The following FSTL4 variants were observed in gnomAD, a reference collection of about 807,000 sequenced individuals.
FSTL4 encodes the protein follistatin like 4, also known as follistatin-related protein 4.
In FSTL4, 28 loss-of-function variants were observed where a neutral mutation model predicts 78.2. The ratio of observed to expected loss-of-function variants is 0.36; its 90% CI spans 0.27 to 0.49. FSTL4 has a LOEUF of 0.49. FSTL4 is among the 20% of genes least tolerant of loss of function. FSTL4 has a pLI of 0.98. For synonymous variants in FSTL4, 422 were observed against 440.5 expected, an observed-to-expected ratio of 0.96 and a Z score of 0.53; for missense variants, 922 against 1,084.9, an observed-to-expected ratio of 0.85 and a Z score of 2.11.
At chr5:133,431,875 T>C (rs1756946827) in intron 3 of FSTL4, among the ~76,000 whole-genome samples, 1 of 152,196 alleles carries the variant, frequency 6.6e-6, no homozygotes, top group Non-Finnish European at 1.5e-5. Context: ...TTGGGGTTTT[T>C]TTCATTAATA....
chr5:133,645,357 C>T, the FSTL4 span, among the ~76,000 whole-genome samples: 2 of 152,054 alleles, frequency 1.3e-5, no homozygotes, highest in Admixed American at 6.6e-5. Context: ...GCAAGTGCCT[C>T]GAGTGTGTGG....
At chr5:133,484,191 G>A (rs1012117299) in intron 3 of FSTL4, among the ~76,000 whole-genome samples, 11 of 152,296 alleles carry the variant, frequency 7.2e-5, no homozygotes, top group African/African-American at 2.4e-4. Flanking sequence ...TGAAGCAAAC[G>A]GAAGGCCCTG....
chr5:133,216,437 GGCCTCCCGTCAAGTGATTCTCCTGCCTCA>G (rs1390777126), intron 13 of FSTL4, among the ~76,000 whole-genome samples: 51 of 144,556 alleles, frequency 3.5e-4, no homozygotes, highest in Admixed American at 1.1e-3. Context: ...CTCCTGCCTC[GGCCTCCCGTCAAGTGATTCTCCTGCCTCA>G]GCCTCCTGAG....
chr5:133,574,183 A>C (rs1320836263), intron 2 of FSTL4, among the ~76,000 whole-genome samples: 2 of 152,262 alleles, frequency 1.3e-5, no homozygotes, highest in Non-Finnish European at 2.9e-5. Flanking sequence ...AATCAATAAG[A>C]AAAATACAAA....
chr5:133,451,160 A>G (rs545357839), intron 3 of FSTL4, among the ~76,000 whole-genome samples: 1 of 152,318 alleles, frequency 6.6e-6, no homozygotes, highest in South Asian at 2.1e-4. Context: ...TGATTTAGGC[A>G]GGCAGGGTCT....
At chr5:133,207,555 C>G (rs1247460759) in intron 14 of FSTL4, among the ~76,000 whole-genome samples, 1 of 152,234 alleles carries the variant, frequency 6.6e-6, no homozygotes, top group Non-Finnish European at 1.5e-5. Flanking sequence ...CAATTTCAAA[C>G]AACATTCTCT....
the FSTL4 span, among the ~76,000 whole-genome samples, chr5:133,674,605 GTGTGTC>G: frequency 6.7e-6 from 1 of 149,176 alleles, no homozygotes; most frequent in Non-Finnish European, 1.5e-5. Flanking sequence ...GTGTGTGTGT[GTGTGTC>G]TGTGTGTGTG....
chr5:133,811,962 C>A, the FSTL4 span, among the ~76,000 whole-genome samples: 2 of 152,190 alleles, frequency 1.3e-5, no homozygotes, highest in African/African-American at 4.8e-5. Context: ...CTCTTAATAA[C>A]CCTCTTAATT....
chr5:133,424,391 C>T (rs1031092505), intron 3 of FSTL4, among the ~76,000 whole-genome samples: 8 of 152,082 alleles, frequency 5.3e-5, no homozygotes, highest in African/African-American at 1.2e-4. Context: ...AGACACAACC[C>T]GAGGGGACTG....
intron 3 of FSTL4, among the ~76,000 whole-genome samples, chr5:133,514,128 G>A (rs1435817251): frequency 2.6e-5 from 4 of 151,046 alleles, no homozygotes; most frequent in African/African-American, 9.7e-5. Flanking sequence ...GCAATGAGCC[G>A]AGATCGAGCC....
At chr5:133,731,631 A>G in the FSTL4 span, among the ~76,000 whole-genome samples, 1 of 152,150 alleles carries the variant, frequency 6.6e-6, no homozygotes, top group Non-Finnish European at 1.5e-5. Context: ...AGGGAGTCAG[A>G]GGGTCACAGT....
intron 3 of FSTL4, among the ~76,000 whole-genome samples, chr5:133,425,224 A>G (rs139290662): frequency 1.4e-5 from 2 of 144,164 alleles, no homozygotes; most frequent in East Asian, 3.9e-4. Flanking sequence ...CTTCAAAGTG[A>G]CCTAAAAAAA....
chr5:133,675,117 C>T, the FSTL4 span, among the ~76,000 whole-genome samples: 1 of 151,866 alleles, frequency 6.6e-6, no homozygotes, highest in Non-Finnish European at 1.5e-5. Flanking sequence ...TCCACGGGGG[C>T]TCATGAAGGC....
intron 4 of FSTL4, among the ~76,000 whole-genome samples, chr5:133,391,259 G>A (rs985222606): frequency 2.6e-5 from 4 of 152,176 alleles, no homozygotes; most frequent in South Asian, 4.1e-4. Flanking sequence ...TTGAAGGCAC[G>A]ATAGGGGAGA....
intron 2 of FSTL4, among the ~76,000 whole-genome samples, chr5:133,568,756 T>C (rs540294662): frequency 6.6e-6 from 1 of 152,332 alleles, no homozygotes; most frequent in African/African-American, 2.4e-5. Flanking sequence ...CTCCAAGGCC[T>C]GGCACCTCTG....
chr5:133,450,174 A>G (rs1036509215), intron 3 of FSTL4, among the ~76,000 whole-genome samples: 1 of 152,244 alleles, frequency 6.6e-6, no homozygotes, highest in Non-Finnish European at 1.5e-5. Context: ...TGCCCAAGGA[A>G]AAAACAGCCC....
At chr5:133,303,295 G>A (rs752663778) in intron 6 of FSTL4, among the ~76,000 whole-genome samples, 10 of 152,208 alleles carry the variant, frequency 6.6e-5, no homozygotes, top group Admixed American at 1.3e-4. Context: ...GAAGGGCCAC[G>A]ATAAGTAGGG....
the FSTL4 span, among the ~76,000 whole-genome samples, chr5:133,636,335 G>A: frequency 2.0e-5 from 3 of 152,280 alleles, no homozygotes; most frequent in South Asian, 6.2e-4. Flanking sequence ...GAAGGGCTGT[G>A]GGAATTCCAA....
At position 133,283,687 on chromosome 5, in the gene FSTL4, T is replaced by C. The variant is rs149842120; in HGVS notation, c.727+28967A>G. On this transcript the variant is annotated intron_variant, in intron 6 of 15. Coordinates refer to ENST00000265342, the MANE Select transcript of FSTL4 (RefSeq NM_015082.2). The stretch of plus-strand genomic sequence containing the variant: ...GGGCAGTGGCTCATAGAAACCATTA[T>C]GAGGAATTGGACAGTGGGCTGTTGG... Among the ~76,000 whole-genome samples the C allele has an allele frequency of 3.8e-3, 578 of 152,280 alleles. 2 individuals carry two copies. The highest frequency in any genetic ancestry group is 0.014 in the Middle Eastern group (4 of 294).
Sources: allele counts gnomAD v4.1 joint callset (sites outside exome capture counted in the v4.1 genomes callset), GRCh38; gene constraint gnomAD v4.1.1; transcripts MANE v1.5; gene names NCBI Gene and HGNC (gene_info 2026-07-23, HGNC 2026-07-21).